The following ANKFY1 variants were observed in gnomAD, a reference collection of about 807,000 sequenced individuals.
ANKFY1 encodes ankyrin repeat and FYVE domain-containing protein 1.
Under a neutral mutation model 128.3 loss-of-function variants are expected in ANKFY1, and 47 were observed. The observed-to-expected ratio is 0.37, with a 90% confidence interval of 0.29 to 0.47. The LOEUF is 0.47. Among genes scored for constraint, ANKFY1 ranks in the 20% least tolerant of loss-of-function variants. ANKFY1 has a pLI of 1.00. For missense variants in ANKFY1, 1,222 were observed against 1,510.6 expected, an observed-to-expected ratio of 0.81 and a Z score of 3.17; for synonymous variants, 553 against 601.6, an observed-to-expected ratio of 0.92 and a Z score of 1.18.
rs1429859933 is a variant in ANKFY1 at position 4,206,401 on chromosome 17, G to A, written c.818C>T (p.Thr273Ile). ...ALSRRLESIATTLVSHKADVD... is the reference protein window; with the variant it reads ...ALSRRLESIAITLVSHKADVD... ...ATCAGCTTTGTGACTAACCAGCGTGGTGGCAATACTCTCCAGTCGTCGTGA... is the reference window on the plus strand; with the variant it reads ...ATCAGCTTTGTGACTAACCAGCGTGATGGCAATACTCTCCAGTCGTCGTGA... Residue 273 changes from threonine to isoleucine, a missense_variant, in exon 7 of 25, where the codon ACC (threonine) becomes ATC (isoleucine). Thr to Ile is a moderately conservative substitution (Grantham distance 89). Coordinates refer to ENST00000341657, the MANE Select transcript of ANKFY1 (RefSeq NM_001330063.2). 4 of 1,614,194 alleles carry A rather than the reference G, an allele frequency of 2.5e-6. No homozygotes were observed. In the Admixed American group the frequency reaches 6.7e-5, roughly 27 times the overall value.
intron 3 of ANKFY1, among the ~76,000 whole-genome samples, chr17:4,230,593 C>T (rs997718158): frequency 6.6e-5 from 10 of 152,096 alleles, no homozygotes; most frequent in Non-Finnish European, 1.0e-4. Context: ...TCTTTCTCTT[C>T]CCACTTGGTC....
At chr17:4,204,644 T>C (rs2143014503) in intron 7 of ANKFY1, among the ~76,000 whole-genome samples, 1 of 152,164 alleles carries the variant, frequency 6.6e-6, no homozygotes, top group Middle Eastern at 3.4e-3. Context: ...AACTCAAAGA[T>C]GATTTATCAT....
chr17:4,173,505 C>T, intron 20 of ANKFY1, 61 bp from the exon 21 acceptor site: 2 of 1,469,516 alleles, frequency 1.4e-6, no homozygotes, highest in South Asian at 1.1e-5. Context: ...ACCTCCACTC[C>T]TCCTCACCCT....
chr17:4,234,184 C>A (rs970628751), intron 3 of ANKFY1, among the ~76,000 whole-genome samples: 1 of 152,128 alleles, frequency 6.6e-6, no homozygotes, highest in African/African-American at 2.4e-5. Flanking sequence ...GTAGGCTATA[C>A]CATGTAGATT....
chr17:4,262,528 C>T (rs1035493737), intron 1 of ANKFY1, among the ~76,000 whole-genome samples: 9 of 152,150 alleles, frequency 5.9e-5, no homozygotes, highest in Non-Finnish European at 1.0e-4. Flanking sequence ...TCCCAAAGTG[C>T]TGAAATTACT....
intron 7 of ANKFY1, among the ~76,000 whole-genome samples, chr17:4,197,998 G>A (rs540011782): frequency 6.6e-6 from 1 of 152,194 alleles, no homozygotes; most frequent in African/African-American, 2.4e-5. Flanking sequence ...GCGTGGTGGT[G>A]CACGCCTGTA....
At chr17:4,251,535 TAAAAAAA>T (rs71144176) in intron 1 of ANKFY1, among the ~76,000 whole-genome samples, 1 of 130,894 alleles carries the variant, frequency 7.6e-6, no homozygotes, top group Non-Finnish European at 1.6e-5. Flanking sequence ...AAATAAAAAT[TAAAAAAA>T]AAAAAAACAA....
At chr17:4,230,133 T>C (rs572862253) in intron 3 of ANKFY1, among the ~76,000 whole-genome samples, 5 of 152,346 alleles carry the variant, frequency 3.3e-5, no homozygotes, top group Admixed American at 1.3e-4. Context: ...CTCTTAAAAA[T>C]TTAAATAGCA....
chr17:4,170,790 C>T lies in ANKFY1; in HGVS notation c.3211G>A (p.Gly1071Arg), dbSNP rs748894341. The change falls in exon 23 of 25, where the codon GGG becomes AGG. Residue 1071 changes from glycine (G) to arginine (R), a missense_variant. By Grantham distance (125) the Gly-to-Arg change is moderately radical. Transcript: ENST00000341657. ...RAIVRSGARL[G>R]VNNNQGVNIF... ...TTGACTCCCTGGTTGTTATTCACCC[C>T]GAGGCGAGCCCCCGACCGGACGATG... is the stretch of plus-strand genomic sequence containing the variant. 7 of 1,614,146 alleles carry T rather than the reference C, an allele frequency of 4.3e-6. No individual in the cohort carries two copies. Among genetic ancestry groups the T allele is most frequent in the Non-Finnish European group, 5.9e-6 (7 of 1,180,020 alleles).
intron 17 of ANKFY1, 64 bp from the exon 18 acceptor site, chr17:4,179,121 G>A: frequency 6.5e-7 from 1 of 1,531,928 alleles, no homozygotes; most frequent in Middle Eastern, 1.7e-4. Context: ...AAATATGAAA[G>A]GGTATAACTT....
At chr17:4,194,103 A>ATATATATATATATAT (rs1555627694) in intron 10 of ANKFY1, among the ~76,000 whole-genome samples, 1 of 108,162 alleles carries the variant, frequency 9.2e-6, no homozygotes, top group African/African-American at 4.9e-5. Flanking sequence ...ATATATATAT[A>ATATATATATATATAT]TTTTTTTTTT....
At chr17:4,226,056 T>G (rs1036469135) in intron 3 of ANKFY1, among the ~76,000 whole-genome samples, 2 of 152,100 alleles carry the variant, frequency 1.3e-5, no homozygotes, top group African/African-American at 4.8e-5. Context: ...GCCACTGAAC[T>G]TGGCAAAAAT....
intron 6 of ANKFY1, 71 bp from the exon 7 acceptor site, chr17:4,206,557 T>C: frequency 2.1e-6 from 3 of 1,412,438 alleles, no homozygotes; most frequent in Non-Finnish European, 3.0e-6. Context: ...TCTCCCACCT[T>C]GACCCTTAAA....
intron 10 of ANKFY1, among the ~76,000 whole-genome samples, chr17:4,192,290 G>A (rs570044654): frequency 8.8e-4 from 121 of 137,292 alleles, no homozygotes; most frequent in Middle Eastern, 4.5e-3. Context: ...ATCTGGAGAC[G>A]CCTAGTTGAT....
chr17:4,175,446 G>A (rs1027200300), intron 19 of ANKFY1, among the ~76,000 whole-genome samples: 21 of 152,154 alleles, frequency 1.4e-4, no homozygotes, highest in African/African-American at 4.1e-4. Flanking sequence ...TTTGAAGTTC[G>A]TCATCCTCTT....
At chr17:4,184,522 C>T (rs562038034) in intron 12 of ANKFY1, among the ~76,000 whole-genome samples, 1 of 152,168 alleles carries the variant, frequency 6.6e-6, no homozygotes, top group Admixed American at 6.5e-5. Flanking sequence ...CACACCGAGG[C>T]ACAGCTTTGC....
chr17:4,229,917 C>A (rs1044612830), intron 3 of ANKFY1, among the ~76,000 whole-genome samples: 1 of 152,250 alleles, frequency 6.6e-6, no homozygotes, highest in Admixed American at 6.5e-5. Flanking sequence ...TCAGCCTATA[C>A]TGAAGAGGAG....
At chr17:4,189,901 G>C (rs1229715025) in intron 10 of ANKFY1, among the ~76,000 whole-genome samples, 1 of 151,286 alleles carries the variant, frequency 6.6e-6, no homozygotes, top group Non-Finnish European at 1.5e-5. Flanking sequence ...GGTACTCTCT[G>C]TGTGTGGACA....
chr17:4,260,592 T>G (rs1387313142), intron 1 of ANKFY1, among the ~76,000 whole-genome samples: 1 of 118,638 alleles, frequency 8.4e-6, no homozygotes, highest in African/African-American at 3.4e-5. Flanking sequence ...TACTCCAGCC[T>G]GGGTGACGGA....
Sources: allele counts gnomAD v4.1 joint callset (sites outside exome capture counted in the v4.1 genomes callset), GRCh38; gene constraint gnomAD v4.1.1; transcripts MANE v1.5; gene names NCBI Gene and HGNC (gene_info 2026-07-23, HGNC 2026-07-21).